NR3C2: variants seen among roughly 807,000 people sequenced by gnomAD.
NR3C2 encodes nuclear receptor subfamily 3 group C member 2, also known as mineralocorticoid receptor.
In NR3C2, 15 loss-of-function variants were observed where a neutral mutation model predicts 86.4. The observed-to-expected ratio is 0.17, with a 90% confidence interval of 0.12 to 0.27. The LOEUF (loss-of-function observed/expected upper bound fraction) is 0.27, where lower values mean the gene tolerates loss of function less well. NR3C2 is among the 10% of genes least tolerant of loss of function. The probability of loss-of-function intolerance (pLI) is 1.00; values close to 1 mark genes in which losing one functional copy is unlikely to be tolerated. For synonymous variants in NR3C2, 458 were observed against 450.5 expected (o/e 1.02, Z -0.21); for missense variants, 960 against 1,195.6 (o/e 0.80, Z 2.91).
chr4:148,356,864 T>C (rs946212807), intron 2 of NR3C2, among the ~76,000 whole-genome samples: 19 of 147,514 alleles, frequency 1.3e-4, no homozygotes, highest in African/African-American at 4.7e-4. Context: ...CATATGCTTA[T>C]ATTTTCAATG....
intron 3 of NR3C2, among the ~76,000 whole-genome samples, chr4:148,215,508 A>G (rs777434143): frequency 6.6e-6 from 1 of 152,222 alleles, no homozygotes; most frequent in Non-Finnish European, 1.5e-5. Context: ...GAGGTAATTC[A>G]TTAAACTGCA....
chr4:148,100,822 T>C (rs1172100760), intron 8 of NR3C2, among the ~76,000 whole-genome samples: 10 of 152,234 alleles, frequency 6.6e-5, no homozygotes, highest in Non-Finnish European at 1.5e-5. Flanking sequence ...CAAATGTCTC[T>C]TGACAGATTA....
intron 2 of NR3C2, among the ~76,000 whole-genome samples, chr4:148,289,270 A>G (rs1196700930): frequency 1.5e-5 from 1 of 66,894 alleles, no homozygotes; most frequent in Non-Finnish European, 3.1e-5. Flanking sequence ...TAATATTTAC[A>G]GCCAAAAAAA....
intron 2 of NR3C2, among the ~76,000 whole-genome samples, chr4:148,314,871 G>C (rs1302842505): frequency 6.6e-6 from 1 of 151,980 alleles, no homozygotes; most frequent in Non-Finnish European, 1.5e-5. Flanking sequence ...ATTACACAAT[G>C]AACTTTAACA....
chr4:148,437,724 C>A (rs1750146740), intron 1 of NR3C2, among the ~76,000 whole-genome samples: 1 of 152,086 alleles, frequency 6.6e-6, no homozygotes, highest in Non-Finnish European at 1.5e-5. Context: ...TTGAGAGGAG[C>A]CCCGAAAATT....
chr4:148,354,711 C>T (rs1434658583), intron 2 of NR3C2, among the ~76,000 whole-genome samples: 9 of 151,964 alleles, frequency 5.9e-5, no homozygotes, highest in East Asian at 3.9e-4. Context: ...CAGATTTTTT[C>T]AATGACATTC....
chr4:148,092,086 ACACT>A (rs1210086424), intron 8 of NR3C2, among the ~76,000 whole-genome samples: 2 of 152,182 alleles, frequency 1.3e-5, no homozygotes, highest in African/African-American at 2.4e-5. Context: ...ATTTCCTCAG[ACACT>A]CACTTGGCAT....
intron 2 of NR3C2, among the ~76,000 whole-genome samples, chr4:148,382,759 A>G (rs1441758384): frequency 6.6e-6 from 1 of 152,244 alleles, no homozygotes; most frequent in Non-Finnish European, 1.5e-5. Flanking sequence ...ATCTATGTGT[A>G]GGTTACCTAC....
intron 2 of NR3C2, among the ~76,000 whole-genome samples, chr4:148,287,646 C>T (rs1741590075): frequency 1.3e-5 from 2 of 152,230 alleles, no homozygotes; most frequent in South Asian, 4.2e-4. Flanking sequence ...ATAAAACAAT[C>T]AGGTACCATA....
chr4:148,133,590 A>G (rs186446580), intron 6 of NR3C2, among the ~76,000 whole-genome samples: 28 of 152,346 alleles, frequency 1.8e-4, no homozygotes, highest in African/African-American at 6.5e-4. Flanking sequence ...TACTACAATA[A>G]AAGATTTGTA....
At chr4:148,202,053 G>A (rs1736748216) in intron 3 of NR3C2, among the ~76,000 whole-genome samples, 1 of 152,200 alleles carries the variant, frequency 6.6e-6, no homozygotes, top group Admixed American at 6.5e-5. Flanking sequence ...TACATCTTAT[G>A]AACAGAATGC....
At chr4:148,227,455 T>C (rs533193983) in intron 3 of NR3C2, among the ~76,000 whole-genome samples, 2 of 152,322 alleles carry the variant, frequency 1.3e-5, no homozygotes, top group South Asian at 4.1e-4. Flanking sequence ...AGTGTTATTT[T>C]TTCCTCTGTT....
In NR3C2 at chr4:148,094,348, T is replaced by C. The variant is rs936206377; in HGVS notation, c.2800-12849A>G. Among the ~76,000 whole-genome samples the C allele has an allele frequency of 2.6e-5, 4 of 152,230 alleles. No individual in the cohort carries two copies. The East Asian group carries it at 7.7e-4, about 29-fold the overall frequency. Reference sequence around the variant, plus strand: ...AAAGAGATTAAACAGAGAATTGCCATATGACACACCATTCCACTTCTGGGC... The same window carrying C: ...AAAGAGATTAAACAGAGAATTGCCACATGACACACCATTCCACTTCTGGGC... On this transcript the variant is annotated intron_variant, in intron 8 of 8. Coordinates refer to ENST00000358102, the MANE Select transcript of NR3C2 (RefSeq NM_000901.5).
At chr4:148,177,913 G>A (rs980308368) in intron 4 of NR3C2, among the ~76,000 whole-genome samples, 11 of 152,174 alleles carry the variant, frequency 7.2e-5, no homozygotes, top group Non-Finnish European at 4.4e-5. Flanking sequence ...TTCTACAAGA[G>A]AATGTCCACC....
chr4:148,081,412 T>G lies in NR3C2; in HGVS notation c.2887A>C (p.Ile963Leu). ...ACCTTGGGCAGCTGGTCGCTGATGA[T>G]CTCCACCAGCATTGCGGGGAACTCT... ...KVEFPAMLVE[I>L]ISDQLPKVES... The change falls in exon 9 of 9, where the codon ATC becomes CTC. Residue 963 changes from isoleucine (I) to leucine (L), a missense_variant. By Grantham distance (5) the Ile-to-Leu change is conservative. Coordinates refer to ENST00000358102, the MANE Select transcript of NR3C2 (RefSeq NM_000901.5). The G allele has an allele frequency of 6.2e-7, 1 of 1,614,094 alleles. No individual in the cohort carries two copies. The highest frequency in any genetic ancestry group is 8.5e-7 in the Non-Finnish European group (1 of 1,180,024).
intron 2 of NR3C2, among the ~76,000 whole-genome samples, chr4:148,265,272 T>C (rs987569092): frequency 6.6e-6 from 1 of 152,334 alleles, no homozygotes; most frequent in Middle Eastern, 3.4e-3. Context: ...CAAAGGTTTA[T>C]ACTGATTTTG....
chr4:148,331,338 A>G (rs1308415211), intron 2 of NR3C2, among the ~76,000 whole-genome samples: 2 of 152,238 alleles, frequency 1.3e-5, no homozygotes, highest in Admixed American at 1.3e-4. Context: ...AAGAATTTGC[A>G]GAGCAAGAGT....
intron 2 of NR3C2, among the ~76,000 whole-genome samples, chr4:148,296,005 T>A (rs1438873094): frequency 6.9e-6 from 1 of 145,210 alleles, no homozygotes; most frequent in Non-Finnish European, 1.5e-5. Context: ...CAAGTCAATG[T>A]TTGCTTAATG....
chr4:148,330,791 G>A (rs12499901), intron 2 of NR3C2, among the ~76,000 whole-genome samples: 51,448 of 151,994 alleles, frequency 0.34, 9,964 homozygotes, highest in African/African-American at 0.54. Flanking sequence ...GGATCATGGG[G>A]GCGGATCCCC....
Sources: allele counts gnomAD v4.1 joint callset (sites outside exome capture counted in the v4.1 genomes callset), GRCh38; gene constraint gnomAD v4.1.1; transcripts MANE v1.5; gene names NCBI Gene and HGNC (gene_info 2026-07-23, HGNC 2026-07-21).